LRRC7: variants seen among roughly 807,000 people sequenced by gnomAD.
LRRC7 encodes the protein leucine rich repeat containing 7, also known as leucine-rich repeat-containing protein 7.
Under a neutral mutation model 175.7 loss-of-function variants are expected in LRRC7, and 23 were observed. That is an observed-to-expected ratio of 0.13 (90% CI 0.09 to 0.19). The LOEUF (loss-of-function observed/expected upper bound fraction) is 0.19, where lower values mean the gene tolerates loss of function less well. LRRC7 is among the 10% of genes least tolerant of loss of function. The pLI, the probability that LRRC7 is intolerant of heterozygous loss-of-function variation, is 1.00. For missense variants in LRRC7, 1,354 were observed against 1,904.7 expected, an observed-to-expected ratio of 0.71 and a Z score of 5.38; for synonymous variants, 685 against 680.9, an observed-to-expected ratio of 1.01 and a Z score of -0.09.
At chr1:69,727,026 A>G (rs1175936629) in intron 2 of LRRC7, among the ~76,000 whole-genome samples, 1 of 152,184 alleles carries the variant, frequency 6.6e-6, no homozygotes, top group Non-Finnish European at 1.5e-5. Context: ...AACTACAGTG[A>G]GGTTGCAACA....
chr1:69,829,599 A>AAT (rs1204842783), intron 5 of LRRC7, among the ~76,000 whole-genome samples: 1 of 107,476 alleles, frequency 9.3e-6, no homozygotes, highest in Admixed American at 9.6e-5. Flanking sequence ...TACCACTTTT[A>AAT]ATATAAGCAA....
rs542313932 is a variant in LRRC7, at chr1:69,798,202, G to A, written c.421+6042G>A. 9.2e-5 allele frequency among the ~76,000 whole-genome samples: 14 copies of A among 152,312 alleles called. 1 individual carries two copies. Among genetic ancestry groups the A allele is most frequent in the African/African-American group, 2.9e-4 (12 of 41,586 alleles). On this transcript the variant is annotated intron_variant, in intron 4 of 26. Coordinates refer to ENST00000651989, the MANE Select transcript of LRRC7 (RefSeq NM_001370785.2). ...CCCAAAGTGCTGGGATTACAGGCAT[G>A]AGCCACCGCGCCTGGCTGATTTGCA...
Position 69,618,769 on chromosome 1 carries a change from C to T in LRRC7, c.2+50128C>T, listed in dbSNP as rs374966304. Among the ~76,000 whole-genome samples, 8 of 152,214 alleles carry T rather than the reference C, an allele frequency of 5.3e-5. No individual in the cohort carries two copies. The East Asian group carries it at 9.7e-4, about 18-fold the overall frequency. ...TCATGGTGATATTTTCTCATCACTTCGCCTAAAGCTATAGGATCCTGTAAA... is the reference window on the plus strand; with the variant it reads ...TCATGGTGATATTTTCTCATCACTTTGCCTAAAGCTATAGGATCCTGTAAA... On this transcript the variant is annotated intron_variant, in intron 1 of 26. Transcript: ENST00000651989.
chr1:70,092,791 G>T (rs1184727959), intron 25 of LRRC7, among the ~76,000 whole-genome samples: 1 of 152,110 alleles, frequency 6.6e-6, no homozygotes, highest in Non-Finnish European at 1.5e-5. Flanking sequence ...CAGCCCAAAA[G>T]TTAACTGAGG....
chr1:70,090,333 T>G (rs1038993765), intron 25 of LRRC7, among the ~76,000 whole-genome samples: 2 of 152,046 alleles, frequency 1.3e-5, no homozygotes, highest in African/African-American at 4.8e-5. Context: ...AACAAATTTT[T>G]TATGAGAAAA....
At chr1:69,608,179 T>C (rs1647949679) in intron 1 of LRRC7, 1 of 152,400 alleles carries the variant, frequency 6.6e-6, no homozygotes, top group Non-Finnish European at 1.5e-5. Context: ...TGTCGGTGAT[T>C]ATTTAGCATA....
intron 8 of LRRC7, among the ~76,000 whole-genome samples, chr1:69,968,761 A>G (rs1651913115): frequency 6.6e-6 from 1 of 152,166 alleles, no homozygotes; most frequent in African/African-American, 2.4e-5. Flanking sequence ...AGCCAGCAAT[A>G]AAACAACCGC....
intron 1 of LRRC7, among the ~76,000 whole-genome samples, chr1:69,612,844 G>T (rs755903244): frequency 1.3e-5 from 2 of 152,004 alleles, no homozygotes; most frequent in Non-Finnish European, 2.9e-5. Context: ...GAAGCTTAGG[G>T]ATTCAAATAA....
At chr1:69,615,974 T>C (rs1649546124) in intron 1 of LRRC7, among the ~76,000 whole-genome samples, 1 of 151,922 alleles carries the variant, frequency 6.6e-6, no homozygotes, top group Non-Finnish European at 1.5e-5. Context: ...TAATCACGAA[T>C]TATGTATTAC....
At chr1:69,919,443 TA>T in intron 7 of LRRC7, 1 of 959,420 alleles carries the variant, frequency 1.0e-6, no homozygotes, top group Non-Finnish European at 1.6e-6. Flanking sequence ...ACCACATCAC[TA>T]ACCCCAGCCA....
chr1:69,724,945 T>G (rs1406765352), intron 2 of LRRC7, among the ~76,000 whole-genome samples: 1 of 152,256 alleles, frequency 6.6e-6, no homozygotes, highest in South Asian at 2.1e-4. Context: ...ACAAATACAG[T>G]TACCCTTGAA....
At chr1:69,688,659 T>C (rs1284038514) in intron 2 of LRRC7, among the ~76,000 whole-genome samples, 9 of 151,608 alleles carry the variant, frequency 5.9e-5, no homozygotes, top group African/African-American at 2.2e-4. Context: ...AAAAACCTCT[T>C]AGAAGCCTTA....
At chr1:70,110,188 T>G (rs955797044) in intron 26 of LRRC7, among the ~76,000 whole-genome samples, 1 of 152,116 alleles carries the variant, frequency 6.6e-6, no homozygotes, top group Non-Finnish European at 1.5e-5. Context: ...AAGGCCAGCC[T>G]TGGCAGCACA....
At chr1:69,664,085 TA>T (rs1275318958) in intron 1 of LRRC7, among the ~76,000 whole-genome samples, 1 of 152,204 alleles carries the variant, frequency 6.6e-6, no homozygotes, top group African/African-American at 2.4e-5. Flanking sequence ...TTATTTCACT[TA>T]ACATAATGAC....
At chr1:69,803,690 C>A (rs2101106765) in intron 4 of LRRC7, among the ~76,000 whole-genome samples, 1 of 151,406 alleles carries the variant, frequency 6.6e-6, no homozygotes, top group East Asian at 1.9e-4. Flanking sequence ...TGACAATATC[C>A]TTTCTTTCTA....
rs777755924 is a variant in LRRC7, at chr1:70,038,199, G to A, written c.2375G>A (p.Arg792His). ...GTTCCCCCAGGCAATATACCACAGC[G>A]TCCTGACCGGCTGCCCATGAGTGAT... ...EAVPPGNIPQRPDRLPMSDTF... is the reference protein window; with the variant it reads ...EAVPPGNIPQHPDRLPMSDTF... Residue 792 changes from arginine (R) to histidine (H), a missense_variant, in exon 21 of 27, where the codon CGT becomes CAT. Coordinates refer to ENST00000651989, the MANE Select transcript of LRRC7 (RefSeq NM_001370785.2). 34 of 1,613,982 alleles carry A rather than the reference G, an allele frequency of 2.1e-5. No homozygotes were observed. Among genetic ancestry groups the A allele is most frequent in the African/African-American group, 6.7e-5 (5 of 74,910 alleles).
intron 4 of LRRC7, among the ~76,000 whole-genome samples, chr1:69,804,129 T>C (rs1676842016): frequency 6.6e-6 from 1 of 151,456 alleles, no homozygotes; most frequent in Non-Finnish European, 1.5e-5. Flanking sequence ...TTATTCACCG[T>C]TGTTTTTATT....
At chr1:70,089,863 C>A (rs936364750) in intron 25 of LRRC7, 44 bp downstream of exon 25, 4 of 1,332,762 alleles carry the variant, frequency 3.0e-6, no homozygotes, top group Non-Finnish European at 3.2e-6. Flanking sequence ...TAGAAAAATA[C>A]TATCTCCTAC....
At chr1:69,975,031 A>T (rs1178932943) in intron 8 of LRRC7, among the ~76,000 whole-genome samples, 3 of 152,180 alleles carry the variant, frequency 2.0e-5, no homozygotes, top group Non-Finnish European at 4.4e-5. Flanking sequence ...TTATCACCTT[A>T]TTATGTTCTT....
Sources: gnomAD v4.1 joint callset for allele counts (sites outside exome capture counted in the v4.1 genomes callset) on GRCh38, gnomAD v4.1.1 for gene constraint, MANE v1.5 for transcripts, NCBI Gene and HGNC (gene_info 2026-07-23, HGNC 2026-07-21) for gene names.